Variants in PPP1R12B observed in about 807,000 individuals in gnomAD.
PPP1R12B encodes the protein protein phosphatase 1 regulatory subunit 12B, also known as myosin phosphatase target subunit 2.
In PPP1R12B, 76 loss-of-function variants were observed where a neutral mutation model predicts 126.1. The ratio of observed to expected loss-of-function variants is 0.60; its 90% CI spans 0.50 to 0.73. The LOEUF (loss-of-function observed/expected upper bound fraction) is 0.73, where lower values mean the gene tolerates loss of function less well. PPP1R12B is among the 30% of genes least tolerant of loss of function. The pLI is 0.00. For synonymous variants in PPP1R12B, 356 were observed against 434.7 expected (o/e 0.82, Z 2.25); for missense variants, 1,052 against 1,205.1 (o/e 0.87, Z 1.88).
intron 5 of PPP1R12B, among the ~76,000 whole-genome samples, chr1:202,428,141 T>G (rs1669791045): frequency 6.6e-6 from 1 of 152,010 alleles, no homozygotes; most frequent in Non-Finnish European, 1.5e-5. Flanking sequence ...GAAGGTATTA[T>G]CATAATGTAT....
chr1:202,352,093 A>G (rs1048087208), intron 1 of PPP1R12B, among the ~76,000 whole-genome samples: 1 of 152,188 alleles, frequency 6.6e-6, no homozygotes, highest in African/African-American at 2.4e-5. Flanking sequence ...TTTGGTGTGT[A>G]TGCATGTGTT....
At chr1:202,446,871 C>T (rs909380885) in intron 12 of PPP1R12B, among the ~76,000 whole-genome samples, 19 of 152,020 alleles carry the variant, frequency 1.2e-4, no homozygotes, top group African/African-American at 4.6e-4. Context: ...TTCTTTCGCT[C>T]CACAGTTCTT....
chr1:202,544,570 C>A (rs2148969265), intron 18 of PPP1R12B, among the ~76,000 whole-genome samples: 1 of 151,900 alleles, frequency 6.6e-6, no homozygotes, highest in South Asian at 2.1e-4. Context: ...TTAGCTGAAC[C>A]CTGGGAATCT....
chr1:202,580,259 G>C (rs1689468708), intron 23 of PPP1R12B, among the ~76,000 whole-genome samples: 1 of 152,214 alleles, frequency 6.6e-6, no homozygotes, highest in African/African-American at 2.4e-5. Flanking sequence ...CAGCTCAAAA[G>C]ATGGAGTGGC....
chr1:202,482,690 T>G (rs1340065722), intron 13 of PPP1R12B, among the ~76,000 whole-genome samples: 2 of 152,338 alleles, frequency 1.3e-5, no homozygotes, highest in East Asian at 3.9e-4. Context: ...ATCCTTTAGG[T>G]TGTCTGTTTA....
intron 1 of PPP1R12B, among the ~76,000 whole-genome samples, chr1:202,388,416 G>C (rs967314055): frequency 6.6e-6 from 1 of 152,154 alleles, no homozygotes; most frequent in Non-Finnish European, 1.5e-5. Flanking sequence ...ATGTTGGCCA[G>C]GCTGGTCTTG....
At chr1:202,387,567 T>C (rs1663356023) in intron 1 of PPP1R12B, among the ~76,000 whole-genome samples, 1 of 152,222 alleles carries the variant, frequency 6.6e-6, no homozygotes, top group Non-Finnish European at 1.5e-5. Context: ...TAAACTTGGC[T>C]TCATTTTAAT....
At chr1:202,471,263 G>A (rs1383198153) in intron 13 of PPP1R12B, among the ~76,000 whole-genome samples, 1 of 151,558 alleles carries the variant, frequency 6.6e-6, no homozygotes, top group East Asian at 1.9e-4. Flanking sequence ...CATTCTAAAT[G>A]TTTATTTTAG....
chr1:202,468,946 G>A (rs562157191), intron 13 of PPP1R12B, among the ~76,000 whole-genome samples: 2 of 152,084 alleles, frequency 1.3e-5, no homozygotes, highest in South Asian at 4.2e-4. Context: ...AAAAAGAAAG[G>A]GAAGGTAAAA....
chr1:202,447,439 A>AT (rs1672423101), intron 12 of PPP1R12B, among the ~76,000 whole-genome samples: 1 of 152,184 alleles, frequency 6.6e-6, no homozygotes, highest in Admixed American at 6.5e-5. Context: ...TGCAGACATT[A>AT]TTTTATTTAA....
intron 18 of PPP1R12B, among the ~76,000 whole-genome samples, chr1:202,532,295 T>C (rs1684038844): frequency 6.6e-6 from 1 of 152,206 alleles, no homozygotes; most frequent in African/African-American, 2.4e-5. Flanking sequence ...TTTGGCTGGC[T>C]TCTTTATCGC....
chr1:202,476,762 C>T (rs1676728311), intron 13 of PPP1R12B, among the ~76,000 whole-genome samples: 1 of 151,896 alleles, frequency 6.6e-6, no homozygotes, highest in Non-Finnish European at 1.5e-5. Context: ...AACTTAGTTC[C>T]TTTCCTGTTT....
chr1:202,494,014 C>T (rs1245178184), intron 15 of PPP1R12B, among the ~76,000 whole-genome samples: 1 of 152,104 alleles, frequency 6.6e-6, no homozygotes, highest in Non-Finnish European at 1.5e-5. Context: ...CCTGGTTTAC[C>T]TAAGATGGTT....
chr1:202,465,567 T>C (rs1457141577), intron 13 of PPP1R12B, among the ~76,000 whole-genome samples: 1 of 152,190 alleles, frequency 6.6e-6, no homozygotes, highest in Admixed American at 6.5e-5. Flanking sequence ...CTGAGGTTGC[T>C]GAATATAAGA....
At chr1:202,496,540 T>A (rs1417716699) in intron 17 of PPP1R12B, among the ~76,000 whole-genome samples, 2 of 152,224 alleles carry the variant, frequency 1.3e-5, no homozygotes, top group African/African-American at 4.8e-5. Flanking sequence ...TGTCTGTCTG[T>A]CTTAAAGATA....
chr1:202,516,174 A>G (rs1384259797), intron 18 of PPP1R12B, among the ~76,000 whole-genome samples: 1 of 152,212 alleles, frequency 6.6e-6, no homozygotes, highest in Non-Finnish European at 1.5e-5. Flanking sequence ...AATAAATCTT[A>G]GCCGCCATGA....
intron 1 of PPP1R12B, among the ~76,000 whole-genome samples, chr1:202,365,610 G>A (rs181516184): frequency 4.6e-5 from 7 of 152,222 alleles, no homozygotes; most frequent in East Asian, 1.9e-4. Flanking sequence ...GGGATCACAC[G>A]TCATGCTGGT....
At chr1:202,398,822 G>A (rs1665384251) in intron 1 of PPP1R12B, among the ~76,000 whole-genome samples, 1 of 152,184 alleles carries the variant, frequency 6.6e-6, no homozygotes. Context: ...TGGCTTTGGT[G>A]AAGCCTTTTG....
At chr1:202,506,042 A>C (rs1680765618) in intron 18 of PPP1R12B, among the ~76,000 whole-genome samples, 1 of 152,184 alleles carries the variant, frequency 6.6e-6, no homozygotes, top group Non-Finnish European at 1.5e-5. Flanking sequence ...CCACGTGTAG[A>C]AAAGCAAGCT....
Sources: allele counts gnomAD v4.1 joint callset (sites outside exome capture counted in the v4.1 genomes callset), GRCh38; gene constraint gnomAD v4.1.1; transcripts MANE v1.5; gene names NCBI Gene and HGNC (gene_info 2026-07-23, HGNC 2026-07-21).